The following TRPM3 variants were observed in gnomAD, a reference collection of about 807,000 sequenced individuals.
TRPM3 encodes the protein transient receptor potential cation channel subfamily M member 3, also known as long transient receptor potential channel 3.
In TRPM3, 77 loss-of-function variants were observed where a neutral mutation model predicts 181.2. The observed-to-expected ratio is 0.42, with a 90% CI of 0.35 to 0.51. TRPM3 has a LOEUF of 0.51. TRPM3 is among the 20% of genes least tolerant of loss of function. TRPM3 has a pLI of 0.01. For missense variants in TRPM3, 1,759 were observed against 2,196.7 expected, an observed-to-expected ratio of 0.80 and a Z score of 3.98; for synonymous variants, 745 against 796.4, an observed-to-expected ratio of 0.94 and a Z score of 1.09.
In TRPM3 at chr9:71,010,153, T is replaced by C. The variant is rs1029027606; in HGVS notation, c.177+111025A>G. ...CTAGAAGCAAAAATAGGAAAAATGT[T>C]TCATGAAATTGGACTGGTCAAGGAT... On this transcript the variant is annotated intron_variant, in intron 1 of 25. Coordinates refer to ENST00000677713, the MANE Select transcript of TRPM3 (RefSeq NM_001366145.2). Among the ~76,000 whole-genome samples the C allele has an allele frequency of 2.0e-5, 3 of 152,108 alleles. No homozygotes were observed. The East Asian group carries it at 5.8e-4, about 29-fold the overall frequency.
chr9:70,835,141 T>A (rs1589034973), intron 5 of TRPM3, among the ~76,000 whole-genome samples: 1 of 152,148 alleles, frequency 6.6e-6, no homozygotes, highest in African/African-American at 2.4e-5. Context: ...CTGCCATAAG[T>A]GGAAGCTTCC....
At chr9:70,802,624 T>C (rs1174275532) in intron 6 of TRPM3, among the ~76,000 whole-genome samples, 1 of 152,166 alleles carries the variant, frequency 6.6e-6, no homozygotes, top group Non-Finnish European at 1.5e-5. Context: ...TTTTGATGCC[T>C]ATTTTGGTTG....
At chr9:71,073,655 C>T (rs2063072076) in intron 1 of TRPM3, among the ~76,000 whole-genome samples, 1 of 151,856 alleles carries the variant, frequency 6.6e-6, no homozygotes, top group South Asian at 2.1e-4. Context: ...AAAAAAAACC[C>T]AATTTATTTA....
chr9:70,746,575 A>C (rs1204594119), intron 8 of TRPM3, among the ~76,000 whole-genome samples: 2 of 152,152 alleles, frequency 1.3e-5, no homozygotes, highest in East Asian at 3.9e-4. Flanking sequence ...CCTGCAGAGA[A>C]TGGGAAGCCA....
chr9:71,253,846 G>A (rs2082503419), intron 1 of TRPM3, among the ~76,000 whole-genome samples: 1 of 152,104 alleles, frequency 6.6e-6, no homozygotes, highest in Non-Finnish European at 1.5e-5. Flanking sequence ...TGTAGTATAT[G>A]TACACAATGG....
At chr9:71,051,227 T>A (rs1225365510) in intron 1 of TRPM3, among the ~76,000 whole-genome samples, 1 of 152,188 alleles carries the variant, frequency 6.6e-6, no homozygotes, top group East Asian at 1.9e-4. Flanking sequence ...CAGCCTCTAC[T>A]TCGTAACTGG....
chr9:70,789,691 A>G (rs530381648), intron 6 of TRPM3, among the ~76,000 whole-genome samples: 2 of 152,344 alleles, frequency 1.3e-5, no homozygotes, highest in East Asian at 3.9e-4. Flanking sequence ...CAGCTTTTGC[A>G]ATTTTGGAAT....
At position 70,548,350 on chromosome 9, in the gene TRPM3, GAGT is replaced by G. The variant is rs563417324; in HGVS notation, c.3707+1189_3707+1191del. The stretch of plus-strand genomic sequence containing the variant: ...GCTTTAAACTTTATTAGTATTGGCT[GAGT>G]ACCGATGGATACTATCACTTAATGG... On this transcript the variant is annotated intron_variant, in intron 25 of 25. Coordinates refer to ENST00000677713, the MANE Select transcript of TRPM3 (RefSeq NM_001366145.2). Among the ~76,000 whole-genome samples the G allele has an allele frequency of 1.7e-3, 257 of 152,324 alleles. 2 individuals carry two copies. Among genetic ancestry groups the G allele is most frequent in the East Asian group, 6.7e-3 (35 of 5,190 alleles).
intron 1 of TRPM3, among the ~76,000 whole-genome samples, chr9:71,007,439 AACATTCTC>A (rs2097691966): frequency 6.6e-6 from 1 of 152,152 alleles, no homozygotes; most frequent in Non-Finnish European, 1.5e-5. Flanking sequence ...CAACACACGG[AACATTCTC>A]CAAAAAAACT....
At chr9:71,158,868 G>A (rs998714658) in intron 1 of TRPM3, among the ~76,000 whole-genome samples, 1 of 152,114 alleles carries the variant, frequency 6.6e-6, no homozygotes, top group African/African-American at 2.4e-5. Flanking sequence ...AGAGGAGGAA[G>A]GTTGAATTTC....
chr9:70,605,282 G>C (rs949911593), intron 19 of TRPM3, among the ~76,000 whole-genome samples: 1 of 152,022 alleles, frequency 6.6e-6, no homozygotes, highest in African/African-American at 2.4e-5. Context: ...ATGACTCCAA[G>C]GTATCTCTGA....
intron 7 of TRPM3, among the ~76,000 whole-genome samples, chr9:70,783,446 G>T (rs547587465): frequency 6.6e-6 from 1 of 152,300 alleles, no homozygotes; most frequent in South Asian, 2.1e-4. Context: ...TCAGTGGGAA[G>T]TTGGATTGGA....
chr9:70,600,621 G>A (rs926360512), intron 20 of TRPM3, among the ~76,000 whole-genome samples: 1 of 152,150 alleles, frequency 6.6e-6, no homozygotes, highest in South Asian at 2.1e-4. Flanking sequence ...CTGGGGGTGG[G>A]GTGGAGGATT....
chr9:70,630,309 C>T (rs965208636), intron 12 of TRPM3, among the ~76,000 whole-genome samples: 4 of 152,322 alleles, frequency 2.6e-5, no homozygotes, highest in East Asian at 1.9e-4. Context: ...ACTGTATGAC[C>T]ACTACTTGGC....
intron 1 of TRPM3, among the ~76,000 whole-genome samples, chr9:71,078,493 T>C (rs534886621): frequency 6.6e-6 from 1 of 152,340 alleles, no homozygotes; most frequent in East Asian, 1.9e-4. Context: ...ATATTTTTCA[T>C]GGAATGCTTT....
At chr9:70,661,280 GACTT>G (rs2061098399) in intron 9 of TRPM3, among the ~76,000 whole-genome samples, 2 of 151,652 alleles carry the variant, frequency 1.3e-5, no homozygotes, top group South Asian at 4.2e-4. Flanking sequence ...GCATAGAAGG[GACTT>G]ACTTTAAAGT....
At chr9:71,380,491 GGCCTTAATC>G (rs1305218026) in intron 1 of TRPM3, among the ~76,000 whole-genome samples, 1 of 151,840 alleles carries the variant, frequency 6.6e-6, no homozygotes, top group Non-Finnish European at 1.5e-5. Flanking sequence ...TAAGCAGAGT[GGCCTTAATC>G]CTGGGGAATC....
intron 22 of TRPM3, among the ~76,000 whole-genome samples, chr9:70,584,201 A>G (rs2056630211): frequency 1.3e-5 from 2 of 152,028 alleles, no homozygotes; most frequent in Non-Finnish European, 2.9e-5. Flanking sequence ...CTTCTTTCTC[A>G]TATTTTTATG....
rs2131544946 is a variant in TRPM3, at chr9:70,532,293, A to G, written c.*3660T>C. The G allele has an allele frequency of 6.6e-6, 1 of 152,340 alleles. No homozygotes were observed. Among genetic ancestry groups the G allele is most frequent in the East Asian group, 1.9e-4 (1 of 5,188 alleles). 9.4% of individuals were successfully genotyped at this position (152,340 alleles called of 1,614,324 possible). A position where few individuals can be genotyped will look rare whatever the true frequency, so the allele number is the denominator to read the frequency against. On this transcript the variant is annotated 3_prime_UTR_variant, in exon 26 of 26. Coordinates refer to ENST00000677713, the MANE Select transcript of TRPM3 (RefSeq NM_001366145.2). ...ATTATCTATAGAAACCATATTTTAG[A>G]ATACATTTGAAACATTCAGAAGAAA... is the stretch of plus-strand genomic sequence containing the variant.
Sources: gnomAD v4.1 joint callset for allele counts (sites outside exome capture counted in the v4.1 genomes callset) on GRCh38, gnomAD v4.1.1 for gene constraint, MANE v1.5 for transcripts, NCBI Gene and HGNC (gene_info 2026-07-23, HGNC 2026-07-21) for gene names.